Variants in FAM234B observed in about 807,000 individuals in gnomAD.
The protein encoded by FAM234B is protein FAM234B.
A neutral mutation model predicts 69.3 loss-of-function variants in FAM234B; 33 were observed. The observed-to-expected ratio is 0.48, with a 90% confidence interval of 0.36 to 0.64. The LOEUF is 0.64. FAM234B is among the 30% of genes least tolerant of loss of function. FAM234B has a pLI of 0.00. For synonymous variants in FAM234B, 306 were observed against 306.9 expected, an observed-to-expected ratio of 1.00 and a Z score of 0.03; for missense variants, 697 against 769.7, an observed-to-expected ratio of 0.91 and a Z score of 1.12.
At chr12:13,049,639 A>G (rs1413415066) in intron 1 of FAM234B, among the ~76,000 whole-genome samples, 2 of 152,174 alleles carry the variant, frequency 1.3e-5, no homozygotes, top group South Asian at 2.1e-4. Flanking sequence ...GCTGATTCCA[A>G]TAAGGATTTC....
chr12:13,076,226 C>CA, intron 11 of FAM234B, 83 bp downstream of exon 11: 6 of 1,034,018 alleles, frequency 5.8e-6, no homozygotes, highest in South Asian at 3.9e-5. Context: ...ACCATTGCCC[C>CA]ACCCAGGGAA....
At chr12:13,054,150 G>A (rs562696074) in intron 1 of FAM234B, among the ~76,000 whole-genome samples, 75 of 152,264 alleles carry the variant, frequency 4.9e-4, no homozygotes, top group African/African-American at 1.5e-3. Flanking sequence ...CTGAGGTGAC[G>A]TACATTCTCA....
intron 9 of FAM234B, among the ~76,000 whole-genome samples, chr12:13,070,601 A>T (rs1865095351): frequency 1.3e-5 from 2 of 152,198 alleles, no homozygotes; most frequent in Non-Finnish European, 2.9e-5. Flanking sequence ...GAGCAGACAT[A>T]TGCCAGGATT....
Position 13,055,880 on chromosome 12 carries a change from T to C in FAM234B, c.367T>C (p.Phe123Leu). The change falls in exon 2 of 13, where the codon TTC (phenylalanine) becomes CTC (leucine). Residue 123 changes from phenylalanine to leucine, a missense_variant. By Grantham distance (22) the Phe-to-Leu change is conservative. Transcript: ENST00000197268. Reference protein sequence around the residue: ...ISMILVLLCAFLIPCPPRDLH... With the variant: ...ISMILVLLCALLIPCPPRDLH... ...GATGATCCTGGTGCTCCTGTGTGCT[T>C]TCCTGATCCCCTGTCCTCCCAGAGA... is the stretch of plus-strand genomic sequence containing the variant. The C allele has an allele frequency of 6.2e-7, 1 of 1,613,014 alleles. No individual in the cohort carries two copies. Among genetic ancestry groups the C allele is most frequent in the Non-Finnish European group, 8.5e-7 (1 of 1,179,558 alleles).
In FAM234B at chr12:13,080,876, G is replaced by A. The variant is rs540231676; in HGVS notation, c.*246G>A. Reference sequence around the variant, plus strand: ...CCCCTCTAGGAACTCTGCGTGGATCGTTTGGAAATGTGAATCTCTTAAGTA... The same window carrying A: ...CCCCTCTAGGAACTCTGCGTGGATCATTTGGAAATGTGAATCTCTTAAGTA... On this transcript the variant is annotated 3_prime_UTR_variant, in exon 13 of 13. Coordinates refer to ENST00000197268, the MANE Select transcript of FAM234B (RefSeq NM_020853.2). The A allele has an allele frequency of 2.6e-5, 11 of 417,514 alleles. No homozygotes were observed. Among genetic ancestry groups the A allele is most frequent in the Admixed American group, 8.6e-5 (2 of 23,240 alleles). The allele number at this position is 417,514 out of a possible 1,614,324, so 25.9% of individuals were successfully genotyped here.
chr12:13,075,236 T>A (rs1361488528), intron 10 of FAM234B, among the ~76,000 whole-genome samples: 1 of 152,214 alleles, frequency 6.6e-6, no homozygotes, highest in East Asian at 1.9e-4. Flanking sequence ...TTTAGCCTGA[T>A]GCTTGCAGTT....
chr12:13,069,979 T>C (rs1363597672), intron 9 of FAM234B, among the ~76,000 whole-genome samples: 2 of 151,956 alleles, frequency 1.3e-5, no homozygotes, highest in Admixed American at 1.3e-4. Context: ...GTATAGTAGG[T>C]TGAAGGTGGA....
At chr12:13,070,100 G>T (rs1331075984) in intron 9 of FAM234B, among the ~76,000 whole-genome samples, 1 of 149,568 alleles carries the variant, frequency 6.7e-6, no homozygotes, top group Non-Finnish European at 1.5e-5. Context: ...TAAAACAGGG[G>T]TAATAATATT....
At chr12:13,056,107 A>G (rs1192477509) in intron 2 of FAM234B, among the ~76,000 whole-genome samples, 161 bp downstream of exon 2, 1 of 152,228 alleles carries the variant, frequency 6.6e-6, no homozygotes, top group Non-Finnish European at 1.5e-5. Context: ...AAGATTTGAA[A>G]GAAAACAAAC....
rs941968201 is a variant in FAM234B at position 13,066,901 on chromosome 12, T to G, written c.1000+114T>G. On this transcript the variant is annotated intron_variant, in intron 6 of 12. Coordinates refer to ENST00000197268, the MANE Select transcript of FAM234B (RefSeq NM_020853.2). ...TCCTGACACCAGCCTTCCCATAGCC[T>G]TCTAATGCAGGGGCCTCTTACTGTC... The G allele has an allele frequency of 2.5e-6, 3 of 1,217,750 alleles. No homozygotes were observed. The African/African-American group carries it at 4.6e-5, about 19-fold the overall frequency. The allele number at this position is 1,217,750 out of a possible 1,614,324, so 75.4% of individuals were successfully genotyped here.
intron 1 of FAM234B, 147 bp from the exon 2 acceptor site, chr12:13,055,404 A>T: frequency 1.4e-6 from 1 of 707,138 alleles, no homozygotes; most frequent in Non-Finnish European, 2.2e-6. Flanking sequence ...TGTTTTACAG[A>T]TAGCCACCAA....
intron 3 of FAM234B, 70 bp from the exon 4 acceptor site, chr12:13,061,505 C>G: frequency 1.5e-6 from 2 of 1,372,938 alleles, no homozygotes; most frequent in Non-Finnish European, 2.0e-6. Flanking sequence ...GTTTTCTGGC[C>G]TCTTGTTCAT....
Position 13,055,836 on chromosome 12 carries a change from T to C in FAM234B, c.323T>C (p.Leu108Pro). ...LVSYVRTSVF[L>P]LTLGISMILV... ...TCATATGTGCGCACGTCTGTCTTCC[T>C]GCTGACTTTGGGGATCTCGATGATC... The change falls in exon 2 of 13, where the codon CTG (leucine) becomes CCG (proline). Residue 108 changes from leucine (L) to proline (P), a missense_variant. Leu to Pro is a moderately conservative substitution (Grantham distance 98). This residue lies in a region of FAM234B where 380 missense variants were observed against 447.1 expected (regional missense o/e 0.85). Transcript: ENST00000197268. 6.2e-7 allele frequency: 1 copy of C among 1,614,094 alleles called. No homozygotes were observed.
intron 11 of FAM234B, among the ~76,000 whole-genome samples, chr12:13,077,465 C>T (rs1024917473): frequency 1.4e-5 from 2 of 140,484 alleles, no homozygotes; most frequent in Non-Finnish European, 3.0e-5. Flanking sequence ...TGTTCCCCTT[C>T]TTGTGTCCAT....
At chr12:13,064,393 C>A (rs951392442) in intron 5 of FAM234B, among the ~76,000 whole-genome samples, 2 of 152,142 alleles carry the variant, frequency 1.3e-5, no homozygotes, top group African/African-American at 4.8e-5. Flanking sequence ...ACACGGCAAG[C>A]CATTGAACAA....
chr12:13,066,034 A>C (rs1050246239), intron 5 of FAM234B, among the ~76,000 whole-genome samples: 3 of 152,202 alleles, frequency 2.0e-5, no homozygotes, highest in African/African-American at 7.2e-5. Flanking sequence ...ATAGAGCTTT[A>C]TTGGAACATC....
At chr12:13,068,210 C>T in intron 7 of FAM234B, 94 bp from the exon 8 acceptor site, 1 of 1,212,292 alleles carries the variant, frequency 8.2e-7, no homozygotes. Context: ...AGAGTGTGTA[C>T]AGGTGTACGT....
At chr12:13,055,491 A>G (rs1591596655) in intron 1 of FAM234B, 60 bp from the exon 2 acceptor site, 1 of 1,457,534 alleles carries the variant, frequency 6.9e-7, no homozygotes. Flanking sequence ...GTTGCCATAT[A>G]TTTGGTGAGG....
intron 5 of FAM234B, among the ~76,000 whole-genome samples, chr12:13,066,170 A>G (rs1249202426): frequency 6.6e-6 from 1 of 152,218 alleles, no homozygotes; most frequent in Non-Finnish European, 1.5e-5. Context: ...CCCTTCACAG[A>G]AAAAGTTTGC....
Sources: gnomAD v4.1 joint callset for allele counts (sites outside exome capture counted in the v4.1 genomes callset) on GRCh38, gnomAD v4.1.1 for gene constraint, gnomAD v4.1.1 regional missense constraint, MANE v1.5 for transcripts, NCBI Gene and HGNC (gene_info 2026-07-23, HGNC 2026-07-21) for gene names.